The following PRKN variants were observed in gnomAD, a reference collection of about 807,000 sequenced individuals.
The protein encoded by PRKN is parkin RBR E3 ubiquitin protein ligase.
In PRKN, 56 loss-of-function variants were observed where a neutral mutation model predicts 59.5. The observed-to-expected ratio is 0.94, with a 90% CI of 0.76 to 1.18. The LOEUF (loss-of-function observed/expected upper bound fraction) is 1.18. PRKN is among the 50% of genes most tolerant of loss of function. PRKN has a pLI of 0.00. For synonymous variants in PRKN, 250 were observed against 222.1 expected, an observed-to-expected ratio of 1.13 and a Z score of -1.12; for missense variants, 657 against 596.4, an observed-to-expected ratio of 1.10 and a Z score of -1.06.
chr6:161,654,282 T>C (rs1242967131), intron 7 of PRKN, among the ~76,000 whole-genome samples: 1 of 152,210 alleles, frequency 6.6e-6, no homozygotes, highest in Non-Finnish European at 1.5e-5. Context: ...TACCTGAAAA[T>C]GTATACATCA....
At position 162,534,675 on chromosome 6, in the gene PRKN, G is replaced by A. The variant is rs1583748569; in HGVS notation, c.8-91202C>T. 2.0e-5 allele frequency among the ~76,000 whole-genome samples: 3 copies of A among 152,196 alleles called. No individual in the cohort carries two copies. The Middle Eastern group carries it at 0.01, about 518-fold the overall frequency. On this transcript the variant is annotated intron_variant, in intron 1 of 11. Coordinates refer to ENST00000366898, the MANE Select transcript of PRKN (RefSeq NM_004562.3). ...ACACCATCTCCAGCCTCAGACAACT[G>A]CACTCAAGTTGCCCCTTTCCCGAGC...
intron 7 of PRKN, among the ~76,000 whole-genome samples, chr6:161,727,640 G>T (rs571920552): frequency 6.6e-6 from 1 of 152,208 alleles, no homozygotes; most frequent in South Asian, 2.1e-4. Context: ...TACTTCACAG[G>T]GAGGGACAGT....
intron 4 of PRKN, among the ~76,000 whole-genome samples, chr6:162,119,131 C>T (rs1780800846): frequency 6.6e-6 from 1 of 152,138 alleles, no homozygotes; most frequent in African/African-American, 2.4e-5. Flanking sequence ...CTTGTGGATC[C>T]TGGTAGACCC....
At chr6:162,315,065 T>A (rs1782691404) in intron 2 of PRKN, among the ~76,000 whole-genome samples, 1 of 152,216 alleles carries the variant, frequency 6.6e-6, no homozygotes, top group Admixed American at 6.5e-5. Context: ...AAATGTTTTT[T>A]CAGACTTTAA....
intron 1 of PRKN, among the ~76,000 whole-genome samples, chr6:162,519,439 G>C (rs1778000783): frequency 6.6e-6 from 1 of 152,090 alleles, no homozygotes; most frequent in Admixed American, 6.6e-5. Context: ...TTTGGGCTTT[G>C]TGTGGTCAGG....
rs1474504158 is a variant in PRKN, at chr6:161,679,653, C to T, written c.871+106119G>A. 3.0e-5 allele frequency among the ~76,000 whole-genome samples: 4 copies of T among 131,480 alleles called. 1 individual carries two copies. Among genetic ancestry groups the T allele is most frequent in the Non-Finnish European group, 4.7e-5 (3 of 63,676 alleles). 86.3% of individuals were successfully genotyped at this position (131,480 alleles called of 152,430 possible). ...GGGAAGCAAGTTTTAATAATAGGTACCTTTGGTTTATAATAGAACCACCCC... is the reference window on the plus strand; with the variant it reads ...GGGAAGCAAGTTTTAATAATAGGTATCTTTGGTTTATAATAGAACCACCCC... On this transcript the variant is annotated intron_variant, in intron 7 of 11. Coordinates refer to ENST00000366898, the MANE Select transcript of PRKN (RefSeq NM_004562.3).
chr6:162,649,407 T>C (rs1778330239), intron 1 of PRKN, among the ~76,000 whole-genome samples: 1 of 152,190 alleles, frequency 6.6e-6, no homozygotes. Flanking sequence ...CAGGGCAGCA[T>C]GTCTAACCCA....
At position 161,513,976 on chromosome 6, in the gene PRKN, C is replaced by CTATG. The variant is rs1260294288; in HGVS notation, c.1083+34874_1083+34877dup. The stretch of plus-strand genomic sequence containing the variant: ...CCAGCATTTTGGGAATCATTAAGGT[C>CTATG]TATGAAAAGTTGGTGGTTGTGTAAC... On this transcript the variant is annotated intron_variant, in intron 9 of 11. Transcript: ENST00000366898. 2.6e-5 allele frequency among the ~76,000 whole-genome samples: 4 copies of CTATG among 152,022 alleles called. No homozygotes were observed. The East Asian group carries it at 7.7e-4, about 29-fold the overall frequency.
At chr6:162,365,292 T>A (rs528928020) in intron 2 of PRKN, among the ~76,000 whole-genome samples, 4 of 152,294 alleles carry the variant, frequency 2.6e-5, no homozygotes, top group Admixed American at 2.6e-4. Flanking sequence ...TTTAATAGCA[T>A]GATTCACATT....
At chr6:161,453,274 G>T (rs1196362210) in intron 9 of PRKN, among the ~76,000 whole-genome samples, 1 of 152,130 alleles carries the variant, frequency 6.6e-6, no homozygotes, top group South Asian at 2.1e-4. Flanking sequence ...CACTCATTTC[G>T]TACTCTTAAT....
rs1202711403 is a variant in PRKN at position 161,385,035 on chromosome 6, T to G, written c.1167+1759A>C. Among the ~76,000 whole-genome samples, 3 of 152,116 alleles carry G rather than the reference T, an allele frequency of 2.0e-5. No individual in the cohort carries two copies. Among genetic ancestry groups the G allele is most frequent in the Non-Finnish European group, 4.4e-5 (3 of 68,026 alleles). On this transcript the variant is annotated intron_variant, in intron 10 of 11. Coordinates refer to ENST00000366898, the MANE Select transcript of PRKN (RefSeq NM_004562.3). The surrounding 1 kb of genome is among the most constrained non-coding windows in gnomAD (Gnocchi z 4.9). The stretch of plus-strand genomic sequence containing the variant: ...ACCTCCACCTCCCGGGTTCAAGCGA[T>G]TCTCCTGCCTCAGCCTCCTGAATAG...
At chr6:162,358,593 T>C (rs1366467957) in intron 2 of PRKN, among the ~76,000 whole-genome samples, 3 of 152,178 alleles carry the variant, frequency 2.0e-5, no homozygotes, top group African/African-American at 7.2e-5. Flanking sequence ...GATAAAAATA[T>C]ACTTCACCAA....
At chr6:161,744,248 A>T (rs892887498) in intron 7 of PRKN, among the ~76,000 whole-genome samples, 4 of 151,972 alleles carry the variant, frequency 2.6e-5, no homozygotes, top group African/African-American at 9.7e-5. Flanking sequence ...CAGATCTCCA[A>T]ATTACAGTTT....
chr6:162,011,455 A>ATTT lies in PRKN; in HGVS notation c.619-38039_619-38038insAAA, dbSNP rs1782699712. 6.3e-5 allele frequency among the ~76,000 whole-genome samples: 2 copies of ATTT among 31,764 alleles called. 1 individual carries two copies. Among genetic ancestry groups the ATTT allele is most frequent in the Non-Finnish European group, 9.5e-5 (2 of 21,100 alleles). 20.8% of individuals were successfully genotyped at this position (31,764 alleles called of 152,430 possible). On this transcript the variant is annotated intron_variant, in intron 5 of 11. Coordinates refer to ENST00000366898, the MANE Select transcript of PRKN (RefSeq NM_004562.3). ...ATATGTTATATATTTATAATATATAATATATATATTATAATATATAATATA... is the reference window on the plus strand; with the variant it reads ...ATATGTTATATATTTATAATATATAATTTTATATATATTATAATATATAATATA...
intron 7 of PRKN, among the ~76,000 whole-genome samples, chr6:161,714,560 T>G (rs963374764): frequency 6.6e-6 from 1 of 152,200 alleles, no homozygotes; most frequent in African/African-American, 2.4e-5. Context: ...TCTTTATAAA[T>G]GACCCAGTCT....
chr6:161,522,749 A>C (rs1034190737), intron 9 of PRKN, among the ~76,000 whole-genome samples: 3 of 152,240 alleles, frequency 2.0e-5, no homozygotes, highest in Admixed American at 2.0e-4. Context: ...ATCTGTGAAC[A>C]TCAGTTTCAA....
At chr6:161,643,826 A>T (rs1783826749) in intron 7 of PRKN, among the ~76,000 whole-genome samples, 1 of 152,254 alleles carries the variant, frequency 6.6e-6, no homozygotes, top group South Asian at 2.1e-4. Flanking sequence ...TAGGCATAAT[A>T]ATAACAACAA....
chr6:162,672,685 A>AGTGTGTGT (rs56722608), intron 1 of PRKN, among the ~76,000 whole-genome samples: 6,066 of 149,108 alleles, frequency 0.041, 138 homozygotes, highest in Middle Eastern at 0.058. Context: ...TTGGGGGAAA[A>AGTGTGTGT]GTGTGTGTGT....
chr6:162,125,488 T>G lies in PRKN; in HGVS notation c.535-71314A>C, dbSNP rs76342791. Reference sequence around the variant, plus strand: ...TACAAAAGACTTGAGCTGAAAGACATAAAACACTGTTTCAGTTTCAGGAAT... The same window carrying G: ...TACAAAAGACTTGAGCTGAAAGACAGAAAACACTGTTTCAGTTTCAGGAAT... On this transcript the variant is annotated intron_variant, in intron 4 of 11. Transcript: ENST00000366898. Among the ~76,000 whole-genome samples, 55 of 152,278 alleles carry G rather than the reference T, an allele frequency of 3.6e-4. No homozygotes were observed. In the East Asian group the frequency reaches 0.01, roughly 28 times the overall value.
Sources: gnomAD v4.1 joint callset for allele counts (sites outside exome capture counted in the v4.1 genomes callset) on GRCh38, gnomAD v4.1.1 for gene constraint, Gnocchi (gnomAD v3.1) non-coding constraint, MANE v1.5 for transcripts, NCBI Gene and HGNC (gene_info 2026-07-23, HGNC 2026-07-21) for gene names.